Variants in SLC35F1 observed in about 807,000 individuals in gnomAD.
SLC35F1 encodes solute carrier family 35 member F1, also known as chromosome 6 open reading frame 169.
SLC35F1 carries 14 observed loss-of-function variants against 48.7 expected under a neutral mutation model. The ratio of observed to expected loss-of-function variants is 0.29; its 90% CI spans 0.19 to 0.45. The LOEUF (loss-of-function observed/expected upper bound fraction) is 0.45, where lower values mean the gene tolerates loss of function less well. SLC35F1 is among the 20% of genes least tolerant of loss of function. SLC35F1 has a pLI of 1.00. For synonymous variants in SLC35F1, 190 were observed against 202.2 expected, an observed-to-expected ratio of 0.94 and a Z score of 0.51; for missense variants, 404 against 500.0, an observed-to-expected ratio of 0.81 and a Z score of 1.83.
At chr6:117,977,313 C>T (rs1776718652) in intron 1 of SLC35F1, among the ~76,000 whole-genome samples, 1 of 151,868 alleles carries the variant, frequency 6.6e-6, no homozygotes, top group Non-Finnish European at 1.5e-5. Context: ...TCTCCTGCCT[C>T]AGCCTCCCAA....
intron 1 of SLC35F1, among the ~76,000 whole-genome samples, chr6:118,149,910 G>T (rs945897509): frequency 1.3e-5 from 2 of 152,178 alleles, no homozygotes; most frequent in African/African-American, 4.8e-5. Flanking sequence ...CTCCTCTAGA[G>T]TATTTCTGGA....
chr6:118,204,311 G>A (rs576164782), intron 2 of SLC35F1, among the ~76,000 whole-genome samples: 39 of 152,190 alleles, frequency 2.6e-4, no homozygotes, highest in African/African-American at 3.9e-4. Context: ...CGATGAAGAC[G>A]CAAAAGTGGG....
chr6:118,162,270 T>C (rs1192114664), intron 2 of SLC35F1, among the ~76,000 whole-genome samples: 1 of 152,242 alleles, frequency 6.6e-6, no homozygotes, highest in African/African-American at 2.4e-5. Context: ...CGTGAAAGTT[T>C]ACATAGTATA....
At chr6:118,207,078 G>T (rs965529837) in intron 2 of SLC35F1, among the ~76,000 whole-genome samples, 1 of 152,102 alleles carries the variant, frequency 6.6e-6, no homozygotes, top group African/African-American at 2.4e-5. Flanking sequence ...GGAAGCAAGA[G>T]GTAGCCTTGA....
intron 1 of SLC35F1, among the ~76,000 whole-genome samples, chr6:118,147,429 G>A (rs193072594): frequency 7.2e-5 from 11 of 152,276 alleles, no homozygotes; most frequent in Admixed American, 3.3e-4. Context: ...GTTGGTCATG[G>A]CAGCGACCAC....
chr6:118,245,501 G>A (rs1050581948), intron 3 of SLC35F1, among the ~76,000 whole-genome samples: 2 of 152,160 alleles, frequency 1.3e-5, no homozygotes, highest in Non-Finnish European at 2.9e-5. Context: ...GCTGTCTGGC[G>A]TTCTGCTGGC....
chr6:117,924,516 A>ATT (rs1326649482), intron 1 of SLC35F1, among the ~76,000 whole-genome samples: 1 of 101,416 alleles, frequency 9.9e-6, no homozygotes, highest in African/African-American at 3.5e-5. Flanking sequence ...GTATATACAT[A>ATT]TATATATGTC....
chr6:118,006,465 A>G (rs1211211121), intron 1 of SLC35F1, among the ~76,000 whole-genome samples: 1 of 152,066 alleles, frequency 6.6e-6, no homozygotes, highest in African/African-American at 2.4e-5. Flanking sequence ...AAAAATTTTT[A>G]AAAATTATCT....
At chr6:118,146,812 T>C (rs1773980312) in intron 1 of SLC35F1, among the ~76,000 whole-genome samples, 1 of 152,182 alleles carries the variant, frequency 6.6e-6, no homozygotes, top group Non-Finnish European at 1.5e-5. Context: ...TTGCACATAA[T>C]AAATGAATAA....
chr6:118,101,273 C>A lies in SLC35F1; in HGVS notation c.174-53172C>A, dbSNP rs115502551. On this transcript the variant is annotated intron_variant, in intron 1 of 7. Transcript: ENST00000360388. ...CATGGTGGAGGCTGCTGGTGAAAAC[C>A]GCCCTAAAGTAATTTACAAGGAGTT... Among the ~76,000 whole-genome samples, 1,117 of 152,194 alleles carry A rather than the reference C, an allele frequency of 7.3e-3. 13 individuals are homozygous for A. The highest frequency in any genetic ancestry group is 0.026 in the African/African-American group (1,080 of 41,548).
chr6:118,146,718 T>G (rs1252651273), intron 1 of SLC35F1, among the ~76,000 whole-genome samples: 3 of 152,142 alleles, frequency 2.0e-5, no homozygotes, highest in Non-Finnish European at 4.4e-5. Context: ...AAGCATTCCT[T>G]TCTCATAACC....
chr6:118,103,602 G>T (rs1773289375), intron 1 of SLC35F1, among the ~76,000 whole-genome samples: 1 of 152,198 alleles, frequency 6.6e-6, no homozygotes, highest in Non-Finnish European at 1.5e-5. Flanking sequence ...GTAGGAGGCT[G>T]CTACATGGTG....
chr6:117,950,396 C>G (rs1159429377), intron 1 of SLC35F1, among the ~76,000 whole-genome samples: 2 of 152,138 alleles, frequency 1.3e-5, no homozygotes, highest in African/African-American at 4.8e-5. Flanking sequence ...AGACACAGTT[C>G]TCTGTTACTG....
chr6:117,925,484 CATTGCT>C (rs1466086554), intron 1 of SLC35F1, among the ~76,000 whole-genome samples: 1 of 152,162 alleles, frequency 6.6e-6, no homozygotes, highest in Non-Finnish European at 1.5e-5. Flanking sequence ...CAACTGATTG[CATTGCT>C]ACATGCTTGA....
intron 4 of SLC35F1, 104 bp downstream of exon 4, chr6:118,267,258 G>A: frequency 1.5e-6 from 2 of 1,319,982 alleles, no homozygotes; most frequent in Non-Finnish European, 2.1e-6. Flanking sequence ...TAGGAACCTG[G>A]ATTTCCCACT....
chr6:118,290,901 T>C (rs776856389), intron 7 of SLC35F1, among the ~76,000 whole-genome samples: 1 of 151,856 alleles, frequency 6.6e-6, no homozygotes, highest in Admixed American at 6.6e-5. Context: ...TTCAAGCGAT[T>C]CTCCTGCCTC....
Position 117,999,492 on chromosome 6 carries a change from C to T in SLC35F1, c.173+91593C>T, listed in dbSNP as rs180892888. On this transcript the variant is annotated intron_variant, in intron 1 of 7. Transcript: ENST00000360388. ...GGACAGAAGGACTGGTGCGACCCCC[C>T]ACCCCCACCCCTGGGCTATCATCTG... is the stretch of plus-strand genomic sequence containing the variant. The T allele has an allele frequency of 7.0e-6, 10 of 1,432,796 alleles. 1 individual carries two copies. In the African/African-American group the frequency reaches 8.4e-5, roughly 12 times the overall value. 88.8% of individuals were successfully genotyped at this position (1,432,796 alleles called of 1,614,324 possible). A position where few individuals can be genotyped will look rare whatever the true frequency, so the allele number is the denominator to read the frequency against.
intron 1 of SLC35F1, among the ~76,000 whole-genome samples, chr6:118,026,636 A>C (rs1053081200): frequency 6.6e-6 from 1 of 152,112 alleles, no homozygotes; most frequent in African/African-American, 2.4e-5. Flanking sequence ...ATTCAATCTT[A>C]AACTTGTTTT....
At chr6:118,273,513 G>T (rs1386347283) in intron 4 of SLC35F1, among the ~76,000 whole-genome samples, 1 of 152,078 alleles carries the variant, frequency 6.6e-6, no homozygotes, top group Non-Finnish European at 1.5e-5. Flanking sequence ...GAAGAGACTG[G>T]ATCATGTTCA....
Sources: allele counts gnomAD v4.1 joint callset (sites outside exome capture counted in the v4.1 genomes callset), GRCh38; gene constraint gnomAD v4.1.1; transcripts MANE v1.5; gene names NCBI Gene and HGNC (gene_info 2026-07-23, HGNC 2026-07-21).